TEX14: variants seen among roughly 807,000 people sequenced by gnomAD.
TEX14 encodes inactive serine/threonine-protein kinase TEX14.
TEX14 carries 168 observed loss-of-function variants against 178.6 expected under a neutral mutation model. The observed-to-expected ratio is 0.94, with a 90% CI of 0.83 to 1.07. TEX14 has a LOEUF of 1.07. Among genes scored for constraint, TEX14 ranks in the 50% least tolerant of loss-of-function variants. The probability of loss-of-function intolerance (pLI) is 0.00; values close to 1 mark genes in which losing one functional copy is unlikely to be tolerated. For synonymous variants in TEX14, 626 were observed against 634.1 expected, an observed-to-expected ratio of 0.99 and a Z score of 0.19; for missense variants, 1,730 against 1,753.6, an observed-to-expected ratio of 0.99 and a Z score of 0.24.
intron 1 of TEX14, among the ~76,000 whole-genome samples, chr17:58,686,860 C>CTT: frequency 7.3e-6 from 1 of 136,778 alleles, no homozygotes; most frequent in African/African-American, 2.7e-5. Flanking sequence ...TGAAAGGTCA[C>CTT]CTTTTTTTTT....
At chr17:58,630,058 C>CT (rs71143259) in intron 3 of TEX14, among the ~76,000 whole-genome samples, 89,097 of 144,988 alleles carry the variant, frequency 0.61, 27,317 homozygotes, top group Middle Eastern at 0.67. Flanking sequence ...AAAATTCACC[C>CT]TTTTTTTTTT....
intron 1 of TEX14, among the ~76,000 whole-genome samples, chr17:58,672,027 G>T (rs1322755716): frequency 6.6e-6 from 1 of 152,070 alleles, no homozygotes; most frequent in African/African-American, 2.4e-5. Flanking sequence ...CAGGGGGTGG[G>T]TGGGAATGGT....
intron 2 of TEX14, among the ~76,000 whole-genome samples, chr17:58,643,565 A>G (rs2046622380): frequency 1.2e-5 from 1 of 86,018 alleles, no homozygotes; most frequent in Non-Finnish European, 2.5e-5. Context: ...CTGTCTCAAA[A>G]ATGAAAAAAA....
chr17:58,583,395 G>A (rs913467444), intron 19 of TEX14, among the ~76,000 whole-genome samples: 2 of 151,990 alleles, frequency 1.3e-5, no homozygotes, highest in African/African-American at 4.8e-5. Context: ...CCTCCCAAAG[G>A]GCTGGGATTA....
intron 1 of TEX14, among the ~76,000 whole-genome samples, chr17:58,666,923 G>A (rs182639503): frequency 9.9e-5 from 15 of 152,236 alleles, no homozygotes; most frequent in African/African-American, 3.6e-4. Context: ...CCGGCGTGAC[G>A]TCATGCATAG....
intron 1 of TEX14, among the ~76,000 whole-genome samples, chr17:58,670,568 G>GT (rs2047287192): frequency 6.6e-6 from 1 of 151,838 alleles, no homozygotes; most frequent in African/African-American, 2.4e-5. Flanking sequence ...GAGGTCAGGT[G>GT]TTTGAGACCA....
At chr17:58,586,775 G>A (rs2044986013) in intron 17 of TEX14, among the ~76,000 whole-genome samples, 1 of 150,206 alleles carries the variant, frequency 6.7e-6, no homozygotes, top group South Asian at 2.1e-4. Context: ...TGGGGCCACT[G>A]TCTGTGTGGC....
At chr17:58,659,223 G>C in intron 1 of TEX14, 1 of 221,768 alleles carries the variant, frequency 4.5e-6, no homozygotes, top group Non-Finnish European at 6.0e-6. Context: ...GGAAATCGCG[G>C]GAGCAAACAC....
intron 20 of TEX14, among the ~76,000 whole-genome samples, chr17:58,577,689 AGAATACAAT>A (rs2044712253): frequency 1.3e-5 from 2 of 152,222 alleles, no homozygotes; most frequent in East Asian, 3.8e-4. Context: ...TCTGACACTC[AGAATACAAT>A]CAAGCTATTT....
At chr17:58,593,524 T>G in intron 15 of TEX14, 31 bp downstream of exon 15, 3 of 1,521,616 alleles carry the variant, frequency 2.0e-6, no homozygotes, top group Non-Finnish European at 2.7e-6. Context: ...AAAGGCATAG[T>G]GACATTAAGA....
At chr17:58,627,969 AG>A (rs1209025380) in intron 3 of TEX14, among the ~76,000 whole-genome samples, 1 of 119,332 alleles carries the variant, frequency 8.4e-6, no homozygotes, top group East Asian at 2.4e-4. Flanking sequence ...TGCCCAGGCT[AG>A]TCTCAAACTC....
chr17:58,597,764 T>C (rs1180513557), intron 14 of TEX14, among the ~76,000 whole-genome samples: 3 of 152,208 alleles, frequency 2.0e-5, no homozygotes, highest in Non-Finnish European at 4.4e-5. Flanking sequence ...CCCTCATTCC[T>C]TCACTGACTA....
chr17:58,630,529 G>C lies in TEX14; in HGVS notation c.162C>G (p.Ser54=). The C allele has an allele frequency of 6.2e-7, 1 of 1,613,750 alleles. No homozygotes were observed. The highest frequency in any genetic ancestry group is 1.1e-5 in the South Asian group (1 of 91,078). Residue 54 remains serine (S), a synonymous_variant, in exon 3 of 32, where the codon TCC becomes TCG. Transcript: ENST00000349033. The part of the protein sequence containing the change: ...KKGIYVDAVN[S]LGQTALFVAA... ...CAACAAAAAGTGCTGTTTGGCCCAA[G>C]GAGTTAACTGCATCAACATAAATTC... is the stretch of plus-strand genomic sequence containing the variant.
At chr17:58,573,763 C>T (rs2044600899) in intron 22 of TEX14, among the ~76,000 whole-genome samples, 1 of 152,160 alleles carries the variant, frequency 6.6e-6, no homozygotes, top group Admixed American at 6.5e-5. Flanking sequence ...AGGTGATCCG[C>T]CCACCTCAGC....
chr17:58,659,913 T>C (rs2047070697), intron 1 of TEX14, among the ~76,000 whole-genome samples: 1 of 150,118 alleles, frequency 6.7e-6, no homozygotes, highest in Non-Finnish European at 1.5e-5. Context: ...GTCAGGCTGG[T>C]CTTGAACTCC....
intron 2 of TEX14, among the ~76,000 whole-genome samples, chr17:58,634,332 G>T (rs1461760661): frequency 6.6e-6 from 1 of 152,148 alleles, no homozygotes; most frequent in African/African-American, 2.4e-5. Context: ...AGGTTTGCTT[G>T]AACCCGAGAG....
intron 1 of TEX14, among the ~76,000 whole-genome samples, chr17:58,663,031 C>T (rs2047144063): frequency 6.6e-6 from 1 of 151,764 alleles, no homozygotes; most frequent in Non-Finnish European, 1.5e-5. Context: ...ACGGTGTGAA[C>T]CCGGGAGGCA....
At chr17:58,584,996 C>T (rs754004864) in intron 18 of TEX14, among the ~76,000 whole-genome samples, 71 of 152,018 alleles carry the variant, frequency 4.7e-4, no homozygotes, top group Non-Finnish European at 8.8e-4. Context: ...TTTTTTTAAC[C>T]TGTAAATCTA....
chr17:58,675,974 C>T (rs748851465), intron 1 of TEX14, among the ~76,000 whole-genome samples: 4 of 152,154 alleles, frequency 2.6e-5, no homozygotes, highest in Non-Finnish European at 5.9e-5. Context: ...TGCCGTGGCT[C>T]ACACATGTAT....
Sources: gnomAD v4.1 joint callset for allele counts (sites outside exome capture counted in the v4.1 genomes callset) on GRCh38, gnomAD v4.1.1 for gene constraint, MANE v1.5 for transcripts, NCBI Gene and HGNC (gene_info 2026-07-23, HGNC 2026-07-21) for gene names.